Variants in WDPCP observed in about 807,000 individuals in gnomAD.
The protein encoded by WDPCP is WD repeat containing planar cell polarity effector.
A neutral mutation model predicts 93.1 loss-of-function variants in WDPCP; 71 were observed. That is an observed-to-expected ratio of 0.76 (90% CI 0.63 to 0.93). The LOEUF (loss-of-function observed/expected upper bound fraction) is 0.93. Ranked by LOEUF, WDPCP falls within the 40% of genes least tolerant of loss-of-function variation. The pLI is 0.00. For synonymous variants in WDPCP, 315 were observed against 315.0 expected (o/e 1.00, Z 0.00); for missense variants, 844 against 887.4 (o/e 0.95, Z 0.62).
chr2:63,711,335 C>T (rs1050338362), intron 2 of WDPCP, among the ~76,000 whole-genome samples: 22 of 152,040 alleles, frequency 1.4e-4, no homozygotes. Context: ...GTTGAAACCA[C>T]TTTGAGAGAG....
intron 9 of WDPCP, among the ~76,000 whole-genome samples, chr2:63,410,414 C>A (rs187724085): frequency 6.6e-6 from 1 of 152,106 alleles, no homozygotes; most frequent in Admixed American, 6.5e-5. Context: ...AAACAGAACA[C>A]CTTTAAAGCA....
intron 1 of WDPCP, among the ~76,000 whole-genome samples, chr2:63,815,612 A>G (rs1670921890): frequency 6.6e-6 from 1 of 152,184 alleles, no homozygotes; most frequent in African/African-American, 2.4e-5. Context: ...ACTCTTAAAT[A>G]CAGCTGGAGA....
chr2:63,378,462 G>A lies in WDPCP; in HGVS notation c.1672C>T (p.Leu558Phe). The A allele has an allele frequency of 6.2e-7, 1 of 1,613,278 alleles. No homozygotes were observed. The highest frequency in any genetic ancestry group is 8.5e-7 in the Non-Finnish European group (1 of 1,179,464). Residue 558 changes from leucine to phenylalanine, a missense_variant, in exon 12 of 18, where the codon CTT becomes TTT. Transcript: ENST00000272321. The stretch of plus-strand genomic sequence containing the variant: ...TATTCCAATATAGTGGAATCCAGAA[G>A]TGGTCTTGTTGGAGCATAGAAGGTT... Reference protein sequence around the residue: ...LGTFYAPTRPLLDSTILEYRD... With the variant: ...LGTFYAPTRPFLDSTILEYRD...
intron 1 of WDPCP, among the ~76,000 whole-genome samples, chr2:63,535,790 A>T (rs555340729): frequency 6.6e-6 from 1 of 152,332 alleles, no homozygotes; most frequent in East Asian, 1.9e-4. Flanking sequence ...ACCATTCAGA[A>T]CATAGGCATG....
At chr2:63,329,658 T>TA (rs1428989642) in intron 12 of WDPCP, among the ~76,000 whole-genome samples, 1 of 152,166 alleles carries the variant, frequency 6.6e-6, no homozygotes, top group East Asian at 1.9e-4. Context: ...TCTTTTCATT[T>TA]AAAAAAATTT....
At chr2:63,285,202 C>CG (rs1471858168) in intron 13 of WDPCP, among the ~76,000 whole-genome samples, 2 of 151,982 alleles carry the variant, frequency 1.3e-5, no homozygotes, top group Non-Finnish European at 2.9e-5. Context: ...AGGCCAAGGG[C>CG]GGCGGATCAC....
intron 9 of WDPCP, among the ~76,000 whole-genome samples, chr2:63,411,132 T>C (rs1010313123): frequency 2.6e-5 from 4 of 152,156 alleles, no homozygotes; most frequent in African/African-American, 7.2e-5. Context: ...AACCACATGA[T>C]AGTCCATAAA....
At chr2:63,341,285 T>G (rs1558494004) in intron 12 of WDPCP, among the ~76,000 whole-genome samples, 1 of 152,084 alleles carries the variant, frequency 6.6e-6, no homozygotes, top group African/African-American at 2.4e-5. Context: ...CGCACCACCA[T>G]GCCCAGCTAA....
Position 63,121,833 on chromosome 2 carries a change from T to G in WDPCP, c.*173A>C. 7 of 1,394,602 alleles carry G rather than the reference T, an allele frequency of 5.0e-6. No individual in the cohort carries two copies. The South Asian group carries it at 9.4e-5, about 19-fold the overall frequency. 86.4% of individuals were successfully genotyped at this position (1,394,602 alleles called of 1,614,324 possible). ...GATCACTTTGCTGTTATGCTGCATG[T>G]TTTTGAAATAATAAAACTTTATTTT... On this transcript the variant is annotated 3_prime_UTR_variant, in exon 18 of 18. Coordinates refer to ENST00000272321, the MANE Select transcript of WDPCP (RefSeq NM_015910.7).
intron 1 of WDPCP, among the ~76,000 whole-genome samples, chr2:63,572,115 A>C (rs1402744136): frequency 6.6e-6 from 1 of 152,188 alleles, no homozygotes; most frequent in Non-Finnish European, 1.5e-5. Context: ...GAATGGCAAA[A>C]ATCCCATATC....
chr2:63,745,442 C>T (rs746844204), intron 2 of WDPCP, among the ~76,000 whole-genome samples: 2 of 152,114 alleles, frequency 1.3e-5, no homozygotes, highest in Non-Finnish European at 2.9e-5. Context: ...TGATTACTAT[C>T]ATTATTAAAT....
intron 14 of WDPCP, among the ~76,000 whole-genome samples, chr2:63,200,265 A>G (rs902227998): frequency 2.2e-4 from 33 of 152,118 alleles, no homozygotes; most frequent in African/African-American, 7.0e-4. Context: ...TACATCCACT[A>G]TGGAGAACAG....
intron 2 of WDPCP, among the ~76,000 whole-genome samples, chr2:63,806,401 C>T (rs1670763355): frequency 6.6e-6 from 1 of 152,054 alleles, no homozygotes; most frequent in South Asian, 2.1e-4. Context: ...AAGTACTTTA[C>T]AAGGTAATAG....
At chr2:63,155,529 G>A (rs1257915840) in intron 15 of WDPCP, among the ~76,000 whole-genome samples, 1 of 150,764 alleles carries the variant, frequency 6.6e-6, no homozygotes, top group African/African-American at 2.4e-5. Flanking sequence ...TTCTTGATTA[G>A]TTATAGCTTT....
chr2:63,502,778 T>G (rs538215823), intron 1 of WDPCP, among the ~76,000 whole-genome samples: 1 of 150,852 alleles, frequency 6.6e-6, no homozygotes, highest in Admixed American at 6.6e-5. Flanking sequence ...AGAATCTGAT[T>G]TAAAAAAAAA....
intron 17 of WDPCP, among the ~76,000 whole-genome samples, chr2:63,126,801 A>G (rs890073186): frequency 6.6e-6 from 1 of 151,086 alleles, no homozygotes; most frequent in Admixed American, 6.6e-5. Flanking sequence ...TCAGCCTCCC[A>G]AGTAGCTGGG....
intron 1 of WDPCP, among the ~76,000 whole-genome samples, chr2:63,584,474 T>C (rs1210179285): frequency 6.6e-6 from 1 of 152,228 alleles, no homozygotes; most frequent in Non-Finnish European, 1.5e-5. Flanking sequence ...GTAGCTATAT[T>C]CATTTTCAAT....
At chr2:63,402,819 A>G (rs1418413656) in intron 10 of WDPCP, among the ~76,000 whole-genome samples, 1 of 152,252 alleles carries the variant, frequency 6.6e-6, no homozygotes, top group Non-Finnish European at 1.5e-5. Context: ...ATGCTTATGC[A>G]CTGTGAGGGG....
chr2:63,312,145 C>A (rs1400004311), intron 13 of WDPCP, among the ~76,000 whole-genome samples: 1 of 151,996 alleles, frequency 6.6e-6, no homozygotes, highest in Non-Finnish European at 1.5e-5. Flanking sequence ...AGATGACGAA[C>A]AATAGAATGT....
Sources: allele counts gnomAD v4.1 joint callset (sites outside exome capture counted in the v4.1 genomes callset), GRCh38; gene constraint gnomAD v4.1.1; transcripts MANE v1.5; gene names NCBI Gene and HGNC (gene_info 2026-07-23, HGNC 2026-07-21).